The following PITPNM2 variants were observed in gnomAD, a reference collection of about 807,000 sequenced individuals.
The protein encoded by PITPNM2 is phosphatidylinositol transfer protein membrane associated 2.
PITPNM2 carries 35 observed loss-of-function variants against 132.2 expected under a neutral mutation model. The observed-to-expected ratio is 0.26, with a 90% confidence interval of 0.20 to 0.35. The LOEUF (loss-of-function observed/expected upper bound fraction) is 0.35. PITPNM2 is among the 10% of genes least tolerant of loss of function. The pLI is 1.00. For missense variants in PITPNM2, 1,332 were observed against 1,912.0 expected, an observed-to-expected ratio of 0.70 and a Z score of 5.66; for synonymous variants, 738 against 799.2, an observed-to-expected ratio of 0.92 and a Z score of 1.29.
At chr12:123,047,492 G>T (rs1470425482) in intron 2 of PITPNM2, among the ~76,000 whole-genome samples, 2 of 152,192 alleles carry the variant, frequency 1.3e-5, no homozygotes, top group African/African-American at 4.8e-5. Flanking sequence ...AGGTGGCTTA[G>T]ATCAACAGAA....
At chr12:123,091,963 C>G (rs1382342305) in intron 2 of PITPNM2, 1 of 152,296 alleles carries the variant, frequency 6.6e-6, no homozygotes, top group Non-Finnish European at 1.5e-5. Context: ...ACAGAGGCCC[C>G]AGCACAGCAC....
chr12:123,069,247 T>TA (rs775414823), intron 2 of PITPNM2, among the ~76,000 whole-genome samples: 1,836 of 130,120 alleles, frequency 0.014, 15 homozygotes, highest in African/African-American at 0.029. Context: ...ACCTACTCTC[T>TA]AAAAAAAAAA....
At chr12:122,990,482 C>T in intron 17 of PITPNM2, 63 bp downstream of exon 17, 1 of 1,585,946 alleles carries the variant, frequency 6.3e-7, no homozygotes, top group Admixed American at 1.7e-5. Flanking sequence ...TGGCCAGCAG[C>T]TGTCCCCTGT....
chr12:123,032,346 G>A (rs930000763), intron 3 of PITPNM2, among the ~76,000 whole-genome samples: 39 of 152,220 alleles, frequency 2.6e-4, no homozygotes, highest in African/African-American at 8.7e-4. Context: ...GTGTGGTGGC[G>A]CGTGCCTGTA....
At chr12:123,138,477 T>C (rs985480730) in intron 1 of PITPNM2, among the ~76,000 whole-genome samples, 4 of 152,182 alleles carry the variant, frequency 2.6e-5, no homozygotes, top group Non-Finnish European at 5.9e-5. Flanking sequence ...TGTTATATTA[T>C]GTATATTTTA....
At chr12:123,007,413 TC>T in intron 6 of PITPNM2, 2 of 456,470 alleles carry the variant, frequency 4.4e-6, no homozygotes, top group Non-Finnish European at 8.8e-6. Context: ...CATGGGGATT[TC>T]TCCAGGGGAC....
chr12:122,990,437 T>C, intron 17 of PITPNM2, 108 bp downstream of exon 17: 1 of 1,474,388 alleles, frequency 6.8e-7, no homozygotes, highest in Non-Finnish European at 9.1e-7. Flanking sequence ...GCAGCAGCCC[T>C]CCCTAGCTTC....
chr12:123,019,361 T>C (rs1192344308), intron 3 of PITPNM2, among the ~76,000 whole-genome samples: 2 of 152,212 alleles, frequency 1.3e-5, no homozygotes, highest in Non-Finnish European at 2.9e-5. Flanking sequence ...TAGACACTTA[T>C]GAATCATAAA....
rs534043556 is a variant in PITPNM2, at chr12:123,097,375, G to C, written c.-96+13010C>G. Among the ~76,000 whole-genome samples, 1 of 152,272 alleles carries C rather than the reference G, an allele frequency of 6.6e-6. No homozygotes were observed. The highest frequency in any genetic ancestry group is 2.4e-5 in the African/African-American group (1 of 41,550). ...TCCCTTTTATTAGTGATTGCAAAGT[G>C]CTAAGGGGGAAAGACTTTCAGCAGC... On this transcript the variant is annotated intron_variant, in intron 2 of 25. Transcript: ENST00000320201. This position sits in a 1 kb window ranked among gnomAD's most constrained non-coding sequence, Gnocchi z 4.7.
At chr12:123,107,085 G>T (rs2042733909) in intron 2 of PITPNM2, among the ~76,000 whole-genome samples, 1 of 152,242 alleles carries the variant, frequency 6.6e-6, no homozygotes, top group Admixed American at 6.5e-5. Context: ...GCCCTGGAAA[G>T]TCTGTGTCAT....
At chr12:122,988,183 G>T in intron 20 of PITPNM2, 51 bp downstream of exon 20, 4 of 1,462,600 alleles carry the variant, frequency 2.7e-6, no homozygotes, top group African/African-American at 1.4e-5. Flanking sequence ...GGACACGGAG[G>T]CTGGTGACAG....
At chr12:122,990,398 G>GCCTC in intron 17 of PITPNM2, 147 bp downstream of exon 17, 1 of 1,184,816 alleles carries the variant, frequency 8.4e-7, no homozygotes, top group Non-Finnish European at 1.2e-6. Context: ...GTGCCCAGCA[G>GCCTC]CCTCCCTCCC....
At chr12:123,094,351 C>T (rs1049604863) in intron 2 of PITPNM2, among the ~76,000 whole-genome samples, 3 of 152,232 alleles carry the variant, frequency 2.0e-5, no homozygotes, top group Non-Finnish European at 4.4e-5. Flanking sequence ...AGGCAGGCTC[C>T]TGGGAGGTGA....
At chr12:123,069,780 G>C (rs1404853508) in intron 2 of PITPNM2, among the ~76,000 whole-genome samples, 1 of 152,224 alleles carries the variant, frequency 6.6e-6, no homozygotes, top group Non-Finnish European at 1.5e-5. Context: ...AATAAAGGTA[G>C]GTACCCAGCA....
intron 2 of PITPNM2, among the ~76,000 whole-genome samples, chr12:123,098,278 G>A (rs2042462878): frequency 6.6e-6 from 1 of 152,208 alleles, no homozygotes; most frequent in Non-Finnish European, 1.5e-5. Flanking sequence ...ATGGGTTGGG[G>A]CTCATGGGAG....
At chr12:123,124,877 T>C (rs191116450) in intron 1 of PITPNM2, among the ~76,000 whole-genome samples, 43 of 152,336 alleles carry the variant, frequency 2.8e-4, no homozygotes, top group African/African-American at 9.6e-4. Context: ...GTAAGTTCCA[T>C]AAGGAATGTA....
chr12:123,018,836 T>G (rs1198134950), intron 3 of PITPNM2, among the ~76,000 whole-genome samples: 1 of 144,452 alleles, frequency 6.9e-6, no homozygotes, highest in Non-Finnish European at 1.5e-5. Flanking sequence ...CAGGCTGGAG[T>G]GCAGTGGCGA....
At position 123,057,958 on chromosome 12, in the gene PITPNM2, C is replaced by T. The variant is rs113424694; in HGVS notation, c.-95-23273G>A. ...GGGATCCAGAGGTTGGAATGTGACC[C>T]TCCGTGCCAGCTGGGCCCCAAGTCC... is the stretch of plus-strand genomic sequence containing the variant. On this transcript the variant is annotated intron_variant, in intron 2 of 25. Coordinates refer to ENST00000320201, the MANE Select transcript of PITPNM2 (RefSeq NM_020845.3). Among the ~76,000 whole-genome samples the T allele has an allele frequency of 4.7e-3, 718 of 152,288 alleles. 10 individuals carry two copies. The highest frequency in any genetic ancestry group is 0.016 in the African/African-American group (674 of 41,538).
intron 2 of PITPNM2, among the ~76,000 whole-genome samples, chr12:123,061,270 G>A (rs991766526): frequency 6.6e-6 from 1 of 152,362 alleles, no homozygotes; most frequent in Non-Finnish European, 1.5e-5. Flanking sequence ...GTGGAATGGG[G>A]GAAGGGTAAC....
Sources: allele counts gnomAD v4.1 joint callset (sites outside exome capture counted in the v4.1 genomes callset), GRCh38; gene constraint gnomAD v4.1.1; non-coding constraint Gnocchi (gnomAD v3.1); transcripts MANE v1.5; gene names NCBI Gene and HGNC (gene_info 2026-07-23, HGNC 2026-07-21).